B3GAT2: variants seen among roughly 807,000 people sequenced by gnomAD.
The protein encoded by B3GAT2 is galactosylgalactosylxylosylprotein 3-beta-glucuronosyltransferase 2.
A neutral mutation model predicts 27.8 loss-of-function variants in B3GAT2; 26 were observed. The observed-to-expected ratio is 0.93, with a 90% CI of 0.68 to 1.30. B3GAT2 has a LOEUF of 1.30. B3GAT2 is among the 50% of genes most tolerant of loss of function. The probability of loss-of-function intolerance (pLI) is 0.00; values close to 1 mark genes in which losing one functional copy is unlikely to be tolerated. For synonymous variants in B3GAT2, 218 were observed against 195.1 expected (o/e 1.12, Z -0.98); for missense variants, 458 against 459.0 (o/e 1.00, Z 0.02).
At position 70,860,955 on chromosome 6, in the gene B3GAT2, T is replaced by C. The variant is rs1771695642; in HGVS notation, c.*708A>G. On this transcript the variant is annotated 3_prime_UTR_variant, in exon 4 of 4. Coordinates refer to ENST00000230053, the MANE Select transcript of B3GAT2 (RefSeq NM_080742.3). Reference sequence around the variant, plus strand: ...AGAATTCAAATTTTATCTGCCTCTCTTGTAATTTGGATCTCTTCTTAATGT... The same window carrying C: ...AGAATTCAAATTTTATCTGCCTCTCCTGTAATTTGGATCTCTTCTTAATGT... The C allele has an allele frequency of 2.8e-6, 1 of 355,852 alleles. No homozygotes were observed. Among genetic ancestry groups the C allele is most frequent in the Non-Finnish European group, 5.0e-6 (1 of 198,786 alleles). 22.0% of individuals were successfully genotyped at this position (355,852 alleles called of 1,614,324 possible).
At chr6:70,880,994 ATAGT>A (rs1377487347) in intron 2 of B3GAT2, among the ~76,000 whole-genome samples, 2 of 152,058 alleles carry the variant, frequency 1.3e-5, no homozygotes, top group African/African-American at 2.4e-5. Flanking sequence ...TATTTCATAT[ATAGT>A]TATTTTCTAA....
At chr6:70,901,397 T>C (rs1043908038) in intron 1 of B3GAT2, among the ~76,000 whole-genome samples, 8 of 152,080 alleles carry the variant, frequency 5.3e-5, no homozygotes, top group African/African-American at 1.9e-4. Context: ...ATTCTAGGAC[T>C]GGGATGGGAA....
chr6:70,893,404 AT>A (rs34873705), intron 2 of B3GAT2, among the ~76,000 whole-genome samples: 229 of 144,980 alleles, frequency 1.6e-3, no homozygotes, highest in Middle Eastern at 3.5e-3. Context: ...ATGTCACCGA[AT>A]TTTTTTTTTT....
At chr6:70,940,960 C>T (rs1168156500) in intron 1 of B3GAT2, among the ~76,000 whole-genome samples, 1 of 152,150 alleles carries the variant, frequency 6.6e-6, no homozygotes, top group Non-Finnish European at 1.5e-5. Context: ...TCAGAACCCA[C>T]AGGAGAACAC....
intron 1 of B3GAT2, among the ~76,000 whole-genome samples, chr6:70,894,899 GA>G (rs1467975998): frequency 6.6e-6 from 1 of 152,194 alleles, no homozygotes; most frequent in Non-Finnish European, 1.5e-5. Flanking sequence ...ACACACAGTG[GA>G]ATCCTGGTTA....
At chr6:70,891,773 T>TGC (rs1278793529) in intron 2 of B3GAT2, among the ~76,000 whole-genome samples, 5 of 152,010 alleles carry the variant, frequency 3.3e-5, no homozygotes, top group Non-Finnish European at 7.4e-5. Flanking sequence ...TGTGTGTGTG[T>TGC]GTGTGTGTGT....
chr6:70,952,618 T>C (rs528566357), intron 1 of B3GAT2, among the ~76,000 whole-genome samples: 3 of 152,282 alleles, frequency 2.0e-5, no homozygotes, highest in African/African-American at 7.2e-5. Context: ...CAGGATTACC[T>C]GTGATCCACA....
intron 2 of B3GAT2, among the ~76,000 whole-genome samples, chr6:70,881,596 T>C (rs1487444390): frequency 6.6e-6 from 1 of 152,162 alleles, no homozygotes; most frequent in Non-Finnish European, 1.5e-5. Context: ...TGGGCTGTGA[T>C]AGAGCCTTTC....
chr6:70,928,612 T>C (rs1773005306), intron 1 of B3GAT2, among the ~76,000 whole-genome samples: 1 of 152,114 alleles, frequency 6.6e-6, no homozygotes, highest in East Asian at 1.9e-4. Flanking sequence ...CCTGGACACA[T>C]ACAACCTCCC....
intron 1 of B3GAT2, among the ~76,000 whole-genome samples, chr6:70,898,987 T>TAAATA (rs559799566): frequency 0.014 from 2,065 of 150,980 alleles, 51 homozygotes; most frequent in African/African-American, 0.047. Context: ...AATAAATAAA[T>TAAATA]AAATAAATAG....
At chr6:70,934,346 G>A (rs577588534) in intron 1 of B3GAT2, among the ~76,000 whole-genome samples, 10 of 151,748 alleles carry the variant, frequency 6.6e-5, no homozygotes, top group South Asian at 4.2e-4. Flanking sequence ...CTTCTCTCTC[G>A]CTCTGCCCCC....
intron 2 of B3GAT2, among the ~76,000 whole-genome samples, chr6:70,869,601 A>G (rs1210182994): frequency 6.6e-6 from 1 of 152,174 alleles, no homozygotes; most frequent in East Asian, 1.9e-4. Context: ...GTGATATTTT[A>G]TAGTTTCCTG....
rs1452427145 is a variant in B3GAT2 at position 70,857,041 on chromosome 6, T to C, written c.*4622A>G. On this transcript the variant is annotated 3_prime_UTR_variant, in exon 4 of 4. Coordinates refer to ENST00000230053, the MANE Select transcript of B3GAT2 (RefSeq NM_080742.3). ...AGCAAAGTACTCCTGGTAATGAATT[T>C]TGATATCTGCTTTCAGTGACATTAC... 3.3e-5 allele frequency: 52 copies of C among 1,592,256 alleles called. No homozygotes were observed. The highest frequency in any genetic ancestry group is 4.4e-5 in the Non-Finnish European group (52 of 1,169,086).
At chr6:70,875,676 G>A (rs1772003987) in intron 2 of B3GAT2, among the ~76,000 whole-genome samples, 2 of 152,150 alleles carry the variant, frequency 1.3e-5, no homozygotes, top group African/African-American at 4.8e-5. Context: ...TGCCTTGGTT[G>A]TTAAACAGGT....
intron 2 of B3GAT2, among the ~76,000 whole-genome samples, chr6:70,867,132 CAA>C (rs1771864022): frequency 6.6e-6 from 1 of 151,916 alleles, no homozygotes; most frequent in South Asian, 2.1e-4. Flanking sequence ...AAAATGAAAA[CAA>C]GACATATCAA....
At chr6:70,936,350 A>C (rs1298003154) in intron 1 of B3GAT2, among the ~76,000 whole-genome samples, 2 of 152,078 alleles carry the variant, frequency 1.3e-5, no homozygotes, top group African/African-American at 2.4e-5. Context: ...TCAACGAGAC[A>C]GAAAGTTAAC....
intron 1 of B3GAT2, among the ~76,000 whole-genome samples, chr6:70,952,198 T>G (rs888176957): frequency 1.3e-5 from 2 of 152,192 alleles, no homozygotes; most frequent in Non-Finnish European, 2.9e-5. Flanking sequence ...AGGGGCTTCT[T>G]TAGTTCATTG....
At chr6:70,872,689 A>G (rs1406523020) in intron 2 of B3GAT2, among the ~76,000 whole-genome samples, 1 of 151,870 alleles carries the variant, frequency 6.6e-6, no homozygotes. Context: ...CGTTTAATGT[A>G]ATTACCAATA....
intron 1 of B3GAT2, among the ~76,000 whole-genome samples, chr6:70,945,923 A>T (rs377267444): frequency 6.6e-6 from 1 of 151,742 alleles, no homozygotes; most frequent in Non-Finnish European, 1.5e-5. Context: ...ATATTCAACA[A>T]TCTTAAAGAA....
Sources: gnomAD v4.1 joint callset for allele counts (sites outside exome capture counted in the v4.1 genomes callset) on GRCh38, gnomAD v4.1.1 for gene constraint, MANE v1.5 for transcripts, NCBI Gene and HGNC (gene_info 2026-07-23, HGNC 2026-07-21) for gene names.